GALNT17: variants seen among roughly 807,000 people sequenced by gnomAD.
The protein encoded by GALNT17 is UDP-GalNAc:polypeptide N-acetylgalactosaminyltransferase-like 3.
A neutral mutation model predicts 63.7 loss-of-function variants in GALNT17; 29 were observed. The observed-to-expected ratio is 0.46, with a 90% CI of 0.34 to 0.62. The LOEUF (loss-of-function observed/expected upper bound fraction) is 0.62, where lower values mean the gene tolerates loss of function less well. Among genes scored for constraint, GALNT17 ranks in the 20% least tolerant of loss-of-function variants. The probability of loss-of-function intolerance (pLI) is 0.01; values close to 1 mark genes in which losing one functional copy is unlikely to be tolerated. For synonymous variants in GALNT17, 305 were observed against 318.3 expected (o/e 0.96, Z 0.45); for missense variants, 603 against 799.6 (o/e 0.75, Z 2.97).
chr7:71,240,899 C>T (rs1378222218), intron 1 of GALNT17, among the ~76,000 whole-genome samples: 3 of 152,060 alleles, frequency 2.0e-5, no homozygotes, highest in African/African-American at 7.2e-5. Context: ...CTCCTGACCT[C>T]GTGATCCGCC....
intron 6 of GALNT17, among the ~76,000 whole-genome samples, chr7:71,652,282 C>G (rs1323821206): frequency 6.6e-6 from 1 of 152,010 alleles, no homozygotes; most frequent in African/African-American, 2.4e-5. Context: ...TGAGATATGT[C>G]TTGAGGTCCA....
chr7:71,690,340 T>C (rs982647706), intron 9 of GALNT17, among the ~76,000 whole-genome samples: 2 of 151,584 alleles, frequency 1.3e-5, no homozygotes, highest in East Asian at 1.9e-4. Context: ...CTGATTATAT[T>C]AAGCCCACTG....
intron 6 of GALNT17, among the ~76,000 whole-genome samples, chr7:71,629,122 T>A (rs1195602561): frequency 6.6e-6 from 1 of 151,902 alleles, no homozygotes; most frequent in Non-Finnish European, 1.5e-5. Flanking sequence ...GGAAAGATTG[T>A]TTCAGAGAGA....
intron 2 of GALNT17, 118 bp from the exon 3 acceptor site, chr7:71,388,117 A>T: frequency 1.9e-6 from 2 of 1,079,018 alleles, no homozygotes; most frequent in Non-Finnish European, 2.7e-6. Context: ...GGAACCAGTG[A>T]TTCACGCCTT....
At position 71,212,828 on chromosome 7, in the gene GALNT17, C is replaced by T. The variant is rs377471897; in HGVS notation, c.238+79788C>T. On this transcript the variant is annotated intron_variant, in intron 1 of 10. Transcript: ENST00000333538. ...TTTGGCCAATTTCTCCCATTTGGAA[C>T]AGCTCTATTTACCCAATACCTGTAC... Among the ~76,000 whole-genome samples the T allele has an allele frequency of 5.5e-4, 83 of 152,122 alleles. 1 individual carries two copies. In the South Asian group the frequency reaches 0.017, roughly 31 times the overall value.
chr7:71,165,309 A>G (rs539022612), intron 1 of GALNT17, among the ~76,000 whole-genome samples: 7 of 152,118 alleles, frequency 4.6e-5, no homozygotes, highest in Admixed American at 2.0e-4. Flanking sequence ...TTTATTTGAG[A>G]TATGTATTAG....
intron 5 of GALNT17, among the ~76,000 whole-genome samples, chr7:71,540,698 C>A (rs546690344): frequency 6.6e-6 from 1 of 152,204 alleles, no homozygotes; most frequent in African/African-American, 2.4e-5. Flanking sequence ...TGGGCCACCT[C>A]CCTAGGAGTA....
chr7:71,485,112 A>AT (rs113932289), intron 5 of GALNT17, among the ~76,000 whole-genome samples: 72 of 116,234 alleles, frequency 6.2e-4, no homozygotes, highest in Admixed American at 1.4e-3. Flanking sequence ...CCCAGCCAGG[A>AT]TTTTTTTTTT....
chr7:71,712,086 C>T lies in GALNT17; in HGVS notation c.1737C>T (p.Ile579=), dbSNP rs773053025. 6 of 1,613,994 alleles carry T rather than the reference C, an allele frequency of 3.7e-6. No individual in the cohort carries two copies. Among genetic ancestry groups the T allele is most frequent in the African/African-American group, 1.3e-5 (1 of 74,934 alleles). ...LEVENRGLAG[I]DLILRSCTGQ... ...TGGAGAACCGGGGCCTGGCTGGCATCGACCTCATCCTCCGCAGCTGCACAG... is the reference window on the plus strand; with the variant it reads ...TGGAGAACCGGGGCCTGGCTGGCATTGACCTCATCCTCCGCAGCTGCACAG... The change falls in exon 11 of 11, where the codon ATC becomes ATT. Residue 579 remains isoleucine, a synonymous_variant. Transcript: ENST00000333538.
At chr7:71,451,715 A>G (rs1787265843) in intron 5 of GALNT17, among the ~76,000 whole-genome samples, 1 of 152,136 alleles carries the variant, frequency 6.6e-6, no homozygotes, top group African/African-American at 2.4e-5. Flanking sequence ...GGATCTTGCT[A>G]CAGCTCATAA....
chr7:71,307,103 C>T (rs537290130), intron 1 of GALNT17, among the ~76,000 whole-genome samples: 8 of 152,194 alleles, frequency 5.3e-5, no homozygotes, highest in East Asian at 3.9e-4. Context: ...GGATGACAAG[C>T]GTGAGCCACC....
At chr7:71,532,927 A>C (rs550969785) in intron 5 of GALNT17, among the ~76,000 whole-genome samples, 2 of 152,162 alleles carry the variant, frequency 1.3e-5, no homozygotes, top group Non-Finnish European at 2.9e-5. Context: ...AAAGTTCTTC[A>C]TTTTTGGAGA....
At chr7:71,164,186 G>C (rs935756186) in intron 1 of GALNT17, among the ~76,000 whole-genome samples, 1 of 152,180 alleles carries the variant, frequency 6.6e-6, no homozygotes, top group African/African-American at 2.4e-5. Context: ...TTTTCACACT[G>C]CTATAAAGAT....
intron 2 of GALNT17, among the ~76,000 whole-genome samples, chr7:71,372,791 A>G (rs1792649086): frequency 1.3e-5 from 2 of 152,206 alleles, no homozygotes. Flanking sequence ...TGAATATCAT[A>G]TACAGATGTG....
At chr7:71,494,223 C>T (rs546305134) in intron 5 of GALNT17, among the ~76,000 whole-genome samples, 2 of 152,250 alleles carry the variant, frequency 1.3e-5, no homozygotes, top group Admixed American at 6.5e-5. Flanking sequence ...CATCATATCA[C>T]ATGAAACTGT....
chr7:71,308,757 T>G (rs1432917691), intron 1 of GALNT17, among the ~76,000 whole-genome samples: 1 of 151,776 alleles, frequency 6.6e-6, no homozygotes, highest in East Asian at 1.9e-4. Context: ...TTTTTTTTTT[T>G]TTTTGAAACA....
At chr7:71,687,135 C>T (rs1791371609) in intron 9 of GALNT17, among the ~76,000 whole-genome samples, 1 of 152,186 alleles carries the variant, frequency 6.6e-6, no homozygotes, top group South Asian at 2.1e-4. Context: ...TGTGTGTCCT[C>T]CCTGTTAATA....
At chr7:71,499,851 T>C (rs1788152858) in intron 5 of GALNT17, among the ~76,000 whole-genome samples, 1 of 152,294 alleles carries the variant, frequency 6.6e-6, no homozygotes, top group South Asian at 2.1e-4. Flanking sequence ...AGGGACCCAG[T>C]GGGAGATAAT....
intron 5 of GALNT17, among the ~76,000 whole-genome samples, chr7:71,528,479 G>A (rs1788661092): frequency 1.3e-5 from 2 of 152,220 alleles, no homozygotes; most frequent in African/African-American, 4.8e-5. Context: ...ACAGGCTACA[G>A]ACAACATCTT....
Sources: allele counts gnomAD v4.1 joint callset (sites outside exome capture counted in the v4.1 genomes callset), GRCh38; gene constraint gnomAD v4.1.1; transcripts MANE v1.5; gene names NCBI Gene and HGNC (gene_info 2026-07-23, HGNC 2026-07-21).